POU6F2: variants seen among roughly 807,000 people sequenced by gnomAD.
POU6F2 encodes POU domain, class 6, transcription factor 2.
Under a neutral mutation model 71.3 loss-of-function variants are expected in POU6F2, and 31 were observed. The observed-to-expected ratio is 0.43, with a 90% CI of 0.33 to 0.59. The LOEUF is 0.59. Ranked by LOEUF, POU6F2 falls within the 20% of genes least tolerant of loss-of-function variation. The pLI is 0.04. For synonymous variants in POU6F2, 347 were observed against 355.7 expected (o/e 0.98, Z 0.27); for missense variants, 783 against 856.8 (o/e 0.91, Z 1.07).
At chr7:39,257,947 T>C (rs567578265) in intron 4 of POU6F2, among the ~76,000 whole-genome samples, 1 of 152,328 alleles carries the variant, frequency 6.6e-6, no homozygotes, top group South Asian at 2.1e-4. Flanking sequence ...CATAAAATTC[T>C]TAAAAGAAAG....
At chr7:39,098,027 C>T (rs564302952) in intron 2 of POU6F2, among the ~76,000 whole-genome samples, 5 of 152,106 alleles carry the variant, frequency 3.3e-5, no homozygotes, top group Non-Finnish European at 5.9e-5. Flanking sequence ...GCAATGTTTT[C>T]GTCACAGGGT....
intron 1 of POU6F2, among the ~76,000 whole-genome samples, chr7:39,015,830 GAT>G (rs369581413): frequency 0.21 from 13,872 of 64,528 alleles, 2,249 homozygotes; most frequent in South Asian, 0.38. Context: ...ATTATATATA[GAT>G]ATATAATATA....
chr7:39,243,166 AT>A (rs1456140409), intron 4 of POU6F2, among the ~76,000 whole-genome samples: 3 of 152,212 alleles, frequency 2.0e-5, no homozygotes, highest in Non-Finnish European at 4.4e-5. Context: ...ATATTATATT[AT>A]TTGAACAATA....
At chr7:39,456,129 A>G (rs1788797084) in intron 8 of POU6F2, among the ~76,000 whole-genome samples, 1 of 152,168 alleles carries the variant, frequency 6.6e-6, no homozygotes, top group Non-Finnish European at 1.5e-5. Context: ...TCCACCCTCC[A>G]TAGAAACCTG....
intron 2 of POU6F2, among the ~76,000 whole-genome samples, chr7:39,110,964 G>A (rs1791798108): frequency 6.6e-6 from 1 of 152,082 alleles, no homozygotes; most frequent in Non-Finnish European, 1.5e-5. Flanking sequence ...GATTTTGTAA[G>A]AAATAGTATG....
intron 2 of POU6F2, among the ~76,000 whole-genome samples, chr7:39,194,372 C>T (rs1383281310): frequency 6.6e-6 from 1 of 152,232 alleles, no homozygotes; most frequent in Admixed American, 6.5e-5. Flanking sequence ...CTTGTTTGAT[C>T]ATGATAGTGA....
intron 2 of POU6F2, among the ~76,000 whole-genome samples, chr7:39,189,546 G>A (rs548823523): frequency 5.9e-5 from 9 of 151,990 alleles, no homozygotes; most frequent in South Asian, 2.1e-4. Context: ...CTACAGGCAC[G>A]TGCCACCACG....
At chr7:39,317,626 T>C (rs1785296873) in intron 4 of POU6F2, among the ~76,000 whole-genome samples, 1 of 152,220 alleles carries the variant, frequency 6.6e-6, no homozygotes, top group South Asian at 2.1e-4. Flanking sequence ...CTAATTATAT[T>C]CCTCATTGAA....
chr7:39,099,514 G>A (rs184033815), intron 2 of POU6F2, among the ~76,000 whole-genome samples: 1 of 152,216 alleles, frequency 6.6e-6, no homozygotes, highest in Non-Finnish European at 1.5e-5. Context: ...GGATGCTTTT[G>A]TGACCTAATC....
intron 1 of POU6F2, among the ~76,000 whole-genome samples, chr7:39,048,060 A>G (rs559595706): frequency 1.2e-4 from 19 of 152,072 alleles, no homozygotes; most frequent in African/African-American, 4.1e-4. Flanking sequence ...CTATTTTCTG[A>G]AAGAGCAATT....
At chr7:39,180,123 T>C (rs1793408463) in intron 2 of POU6F2, among the ~76,000 whole-genome samples, 1 of 152,188 alleles carries the variant, frequency 6.6e-6, no homozygotes, top group South Asian at 2.1e-4. Flanking sequence ...GAGAGGCAAA[T>C]TGGCTGTTAT....
At chr7:39,017,929 A>C (rs772026623) in intron 1 of POU6F2, among the ~76,000 whole-genome samples, 1 of 151,586 alleles carries the variant, frequency 6.6e-6, no homozygotes, top group Non-Finnish European at 1.5e-5. Context: ...TCTCCAAATA[A>C]TGTTAATTTG....
intron 1 of POU6F2, among the ~76,000 whole-genome samples, chr7:39,012,353 G>C (rs1149537): frequency 6.6e-6 from 1 of 151,258 alleles, no homozygotes; most frequent in Non-Finnish European, 1.5e-5. Context: ...CGTAGTTCTC[G>C]AGCCTTGGTT....
At chr7:39,400,155 G>A (rs1787267471) in intron 5 of POU6F2, among the ~76,000 whole-genome samples, 1 of 152,180 alleles carries the variant, frequency 6.6e-6, no homozygotes, top group Non-Finnish European at 1.5e-5. Flanking sequence ...TACTCTACCA[G>A]CCAGGTCGAA....
intron 2 of POU6F2, among the ~76,000 whole-genome samples, chr7:39,129,467 C>T (rs556556326): frequency 6.6e-6 from 1 of 152,258 alleles, no homozygotes; most frequent in Non-Finnish European, 1.5e-5. Flanking sequence ...AAAGCTTTGC[C>T]CTCAGCTTAA....
intron 1 of POU6F2, among the ~76,000 whole-genome samples, chr7:39,049,376 TG>T (rs1790360460): frequency 6.6e-6 from 1 of 152,032 alleles, no homozygotes; most frequent in African/African-American, 2.4e-5. Context: ...TTGATTTTTT[TG>T]TTTTTAATTC....
chr7:39,334,032 C>T (rs561656688), intron 4 of POU6F2, among the ~76,000 whole-genome samples: 1 of 152,260 alleles, frequency 6.6e-6, no homozygotes, highest in East Asian at 1.9e-4. Context: ...AAGAAAGAAG[C>T]TTGGGTGGCT....
Position 39,467,826 on chromosome 7 carries a change from A to T in POU6F2, c.*3140A>T, listed in dbSNP as rs1397637346. 6.6e-6 allele frequency: 1 copy of T among 152,204 alleles called. No homozygotes were observed. Among genetic ancestry groups the T allele is most frequent in the Admixed American group, 6.5e-5 (1 of 15,278 alleles). 9.4% of individuals were successfully genotyped at this position (152,204 alleles called of 1,614,324 possible). On this transcript the variant is annotated 3_prime_UTR_variant, in exon 10 of 10. Transcript: ENST00000518318. ...AGAACTCAAGCTATAACCAAAAAGA[A>T]ATCGTAAAATGCCTTTGCTCGTTTC...
chr7:39,427,476 A>G (rs939116141), intron 6 of POU6F2, among the ~76,000 whole-genome samples: 1 of 152,174 alleles, frequency 6.6e-6, no homozygotes, highest in Non-Finnish European at 1.5e-5. Flanking sequence ...AAATAACATC[A>G]GTTTTCACGC....
Sources: gnomAD v4.1 joint callset for allele counts (sites outside exome capture counted in the v4.1 genomes callset) on GRCh38, gnomAD v4.1.1 for gene constraint, MANE v1.5 for transcripts, NCBI Gene and HGNC (gene_info 2026-07-23, HGNC 2026-07-21) for gene names.